The following RPS6KC1 variants were observed in gnomAD, a reference collection of about 807,000 sequenced individuals.
RPS6KC1 encodes the protein inactive ribosomal protein S6 kinase delta-1.
Under a neutral mutation model 103.8 loss-of-function variants are expected in RPS6KC1, and 54 were observed. That is an observed-to-expected ratio of 0.52 (90% confidence interval 0.42 to 0.65). The LOEUF (loss-of-function observed/expected upper bound fraction) is 0.65, where lower values mean the gene tolerates loss of function less well. Among genes scored for constraint, RPS6KC1 ranks in the 30% least tolerant of loss-of-function variants. The pLI is 0.00. For synonymous variants in RPS6KC1, 439 were observed against 438.7 expected (o/e 1.00, Z -0.01); for missense variants, 1,151 against 1,253.8 (o/e 0.92, Z 1.24).
intron 12 of RPS6KC1, among the ~76,000 whole-genome samples, chr1:213,253,449 G>T (rs953505421): frequency 6.6e-5 from 10 of 152,106 alleles, no homozygotes; most frequent in Admixed American, 5.9e-4. Context: ...GATATTGAAG[G>T]CCCCACAATT....
the RPS6KC1 span, among the ~76,000 whole-genome samples, chr1:213,388,617 C>T: frequency 6.6e-6 from 1 of 152,186 alleles, no homozygotes; most frequent in Non-Finnish European, 1.5e-5. Context: ...AGGGCAGCCC[C>T]ATCTGGAGGG....
At chr1:213,681,435 G>C in the RPS6KC1 span, among the ~76,000 whole-genome samples, 1 of 152,166 alleles carries the variant, frequency 6.6e-6, no homozygotes, top group Non-Finnish European at 1.5e-5. Flanking sequence ...AATGTGTAAG[G>C]ATGCCTTTGA....
At chr1:213,704,691 G>A in the RPS6KC1 span, among the ~76,000 whole-genome samples, 2 of 152,166 alleles carry the variant, frequency 1.3e-5, no homozygotes, top group African/African-American at 2.4e-5. Context: ...ACTTGTAAAT[G>A]TTCATTTGTG....
rs562803551 is a variant in RPS6KC1, at chr1:213,054,368, G to GT, written c.105+2860dup. 1.6e-3 allele frequency among the ~76,000 whole-genome samples: 248 copies of GT among 152,244 alleles called. 1 individual carries two copies. The highest frequency in any genetic ancestry group is 2.9e-3 in the Non-Finnish European group (197 of 68,020). On this transcript the variant is annotated intron_variant, in intron 1 of 14. Coordinates refer to ENST00000366960, the MANE Select transcript of RPS6KC1 (RefSeq NM_012424.6). ...ATGTTACAGATTTTGTTTTTAAAAT[G>GT]TAAGGTCTGAGAGTCAACGTGGAGA...
At chr1:213,848,545 C>T in the RPS6KC1 span, among the ~76,000 whole-genome samples, 1 of 151,888 alleles carries the variant, frequency 6.6e-6, no homozygotes, top group Non-Finnish European at 1.5e-5. Context: ...TATGTGTATA[C>T]ACATATAGAC....
the RPS6KC1 span, among the ~76,000 whole-genome samples, chr1:213,659,205 T>C: frequency 6.6e-6 from 1 of 152,126 alleles, no homozygotes; most frequent in Non-Finnish European, 1.5e-5. Flanking sequence ...CCTCAAGGGA[T>C]CCACCCGACT....
At chr1:213,234,558 A>C (rs1374816429) in intron 10 of RPS6KC1, among the ~76,000 whole-genome samples, 1 of 152,174 alleles carries the variant, frequency 6.6e-6, no homozygotes, top group East Asian at 1.9e-4. Context: ...TATAAAAACA[A>C]ACTTGGGATG....
the RPS6KC1 span, among the ~76,000 whole-genome samples, chr1:213,628,020 C>T: frequency 1.3e-5 from 2 of 152,154 alleles, no homozygotes; most frequent in African/African-American, 4.8e-5. Context: ...CCTTGTACCT[C>T]TGGTAGAATT....
chr1:213,421,260 C>T, the RPS6KC1 span, among the ~76,000 whole-genome samples: 3,041 of 151,920 alleles, frequency 0.02, 96 homozygotes, highest in African/African-American at 0.069. Flanking sequence ...TACAGGTGCG[C>T]GCCACCATGC....
At chr1:213,158,077 G>T (rs977737146) in intron 6 of RPS6KC1, among the ~76,000 whole-genome samples, 1 of 151,990 alleles carries the variant, frequency 6.6e-6, no homozygotes. Context: ...CTATAGACAG[G>T]ATATAGTTAG....
At chr1:213,151,882 A>C (rs1572866933) in intron 6 of RPS6KC1, among the ~76,000 whole-genome samples, 1 of 87,716 alleles carries the variant, frequency 1.1e-5, no homozygotes, top group Non-Finnish European at 2.3e-5. Context: ...CGGGGGGCTG[A>C]TCCCCCAACC....
the RPS6KC1 span, among the ~76,000 whole-genome samples, chr1:213,483,902 G>A: frequency 6.6e-6 from 1 of 152,190 alleles, no homozygotes; most frequent in Non-Finnish European, 1.5e-5. Context: ...GCTTTCCTCA[G>A]GTGTGGTGAG....
intron 8 of RPS6KC1, among the ~76,000 whole-genome samples, chr1:213,216,263 G>A (rs2093656686): frequency 6.6e-6 from 1 of 152,128 alleles, no homozygotes; most frequent in Non-Finnish European, 1.5e-5. Context: ...AACCAACAAA[G>A]ATCAAAAGAG....
the RPS6KC1 span, among the ~76,000 whole-genome samples, chr1:213,633,874 CAAAAAAAAAAAAAAAAAAAAAAAAAA>C: frequency 8.5e-4 from 7 of 8,278 alleles, no homozygotes; most frequent in South Asian, 0.024. Flanking sequence ...AAATGGAAAG[CAAAAAAAAAAAAAAAAAAAAAAAAAA>C]AAAAAAAAAA....
At chr1:213,225,243 A>G (rs936037010) in intron 8 of RPS6KC1, among the ~76,000 whole-genome samples, 2 of 152,220 alleles carry the variant, frequency 1.3e-5, no homozygotes, top group Non-Finnish European at 2.9e-5. Context: ...GGAGAAATTG[A>G]CAGTCAAAGG....
At chr1:213,812,672 C>T in the RPS6KC1 span, among the ~76,000 whole-genome samples, 1 of 152,260 alleles carries the variant, frequency 6.6e-6, no homozygotes, top group Middle Eastern at 3.4e-3. Flanking sequence ...GATAAATTGG[C>T]TTATAAATAT....
chr1:213,329,686 C>T, the RPS6KC1 span, among the ~76,000 whole-genome samples: 1 of 152,114 alleles, frequency 6.6e-6, no homozygotes, highest in Non-Finnish European at 1.5e-5. Context: ...TTGGAAAAAG[C>T]TCCATGGTTA....
At chr1:213,108,608 C>CA (rs2082710697) in intron 4 of RPS6KC1, among the ~76,000 whole-genome samples, 1 of 149,878 alleles carries the variant, frequency 6.7e-6, no homozygotes, top group African/African-American at 2.4e-5. Flanking sequence ...TCCATGTGAA[C>CA]AAAAAATTCT....
At chr1:213,276,540 A>T (rs1179765513), downstream of RPS6KC1, among the ~76,000 whole-genome samples, 1 of 152,180 alleles carries the variant, frequency 6.6e-6, no homozygotes, top group Non-Finnish European at 1.5e-5. Flanking sequence ...AGGGTAGGTG[A>T]GTTCTAAGCT....
Sources: gnomAD v4.1 joint callset for allele counts (sites outside exome capture counted in the v4.1 genomes callset) on GRCh38, gnomAD v4.1.1 for gene constraint, MANE v1.5 for transcripts, NCBI Gene and HGNC (gene_info 2026-07-23, HGNC 2026-07-21) for gene names.